Variants in ACAD11 observed in about 807,000 individuals in gnomAD.
ACAD11 encodes the protein acyl-CoA dehydrogenase family member 11, also known as acyl-Coenzyme A dehydrogenase family, member 11.
A neutral mutation model predicts 102.2 loss-of-function variants in ACAD11; 83 were observed. That is an observed-to-expected ratio of 0.81 (90% CI 0.68 to 0.97). ACAD11 has a LOEUF of 0.97. ACAD11 is among the 50% of genes least tolerant of loss of function. The pLI, the probability that ACAD11 is intolerant of heterozygous loss-of-function variation, is 0.00. For synonymous variants in ACAD11, 324 were observed against 319.8 expected, an observed-to-expected ratio of 1.01 and a Z score of -0.14; for missense variants, 901 against 951.7, an observed-to-expected ratio of 0.95 and a Z score of 0.70.
At chr3:132,644,743 T>C (rs1330018614) in intron 2 of ACAD11, 54 bp downstream of exon 2, 19 of 1,130,658 alleles carry the variant, frequency 1.7e-5, no homozygotes, top group Non-Finnish European at 2.3e-5. Context: ...TTTGTGTGTA[T>C]TAAAAGCATT....
chr3:132,586,185 T>C (rs1449703230), intron 13 of ACAD11, among the ~76,000 whole-genome samples: 1 of 152,304 alleles, frequency 6.6e-6, no homozygotes, highest in East Asian at 1.9e-4. Context: ...GTTCATGTCC[T>C]TTGTAGGGAC....
At chr3:132,606,991 G>A (rs1420643230) in intron 11 of ACAD11, among the ~76,000 whole-genome samples, 2 of 152,138 alleles carry the variant, frequency 1.3e-5, no homozygotes, top group African/African-American at 2.4e-5. Context: ...GGGCAAACAG[G>A]GTTGGGAGTG....
intron 8 of ACAD11, among the ~76,000 whole-genome samples, chr3:132,627,324 C>T (rs949687002): frequency 2.6e-5 from 4 of 152,162 alleles, no homozygotes; most frequent in Non-Finnish European, 5.9e-5. Flanking sequence ...CCTCCTCATC[C>T]TTTAATGTGT....
intron 3 of ACAD11, 85 bp from the exon 4 acceptor site, chr3:132,642,218 C>A: frequency 7.7e-7 from 1 of 1,301,432 alleles, no homozygotes; most frequent in Non-Finnish European, 1.1e-6. Flanking sequence ...ATTTGTGAAA[C>A]ATATTTAATA....
intron 12 of ACAD11, 33 bp downstream of exon 12, chr3:132,605,065 C>G: frequency 6.6e-7 from 1 of 1,515,898 alleles, no homozygotes; most frequent in Non-Finnish European, 9.1e-7. Context: ...GGACGACTGA[C>G]TACACAAGGA....
intron 5 of ACAD11, among the ~76,000 whole-genome samples, chr3:132,638,184 G>A (rs528967962): frequency 9.9e-5 from 15 of 152,048 alleles, no homozygotes; most frequent in African/African-American, 3.4e-4. Flanking sequence ...CACATTGACT[G>A]TTTCATTTTA....
intron 5 of ACAD11, among the ~76,000 whole-genome samples, chr3:132,635,892 A>G (rs1347471455): frequency 1.3e-5 from 2 of 152,084 alleles, no homozygotes; most frequent in East Asian, 3.9e-4. Context: ...ATAAATTACT[A>G]TACTAGCTAG....
intron 1 of ACAD11, chr3:132,654,327 G>A (rs1428168237): frequency 6.6e-6 from 1 of 152,160 alleles, no homozygotes; most frequent in Non-Finnish European, 1.5e-5. Flanking sequence ...ATTATGCACT[G>A]ATATATAATT....
rs773170087 is a variant in ACAD11, at chr3:132,626,651, G to C, written c.1197+40C>G. 3 of 1,607,734 alleles carry C rather than the reference G, an allele frequency of 1.9e-6. No individual in the cohort carries two copies. In the East Asian group the frequency reaches 6.7e-5, roughly 36 times the overall value. Reference sequence around the variant, plus strand: ...GAAATAACAAAAGTATTCATTGATAGTCCTTTAGCAGAAATACATTCTGCT... The same window carrying C: ...GAAATAACAAAAGTATTCATTGATACTCCTTTAGCAGAAATACATTCTGCT... On this transcript the variant is annotated intron_variant, in intron 9 of 19. Transcript: ENST00000264990.
In ACAD11 at chr3:132,619,490, G is replaced by C. The variant is rs148899232; in HGVS notation, c.1253C>G (p.Pro418Arg). 1,271 of 1,592,034 alleles carry C rather than the reference G, an allele frequency of 8.0e-4. 12 individuals carry two copies. The Middle Eastern group carries it at 0.011, about 13-fold the overall frequency. Residue 418 changes from proline to arginine, a missense_variant, in exon 10 of 20, where the codon CCT becomes CGT. Coordinates refer to ENST00000264990, the MANE Select transcript of ACAD11 (RefSeq NM_032169.5). The part of the protein sequence containing the change: ...NENSVDKWGK[P>R]LVIDKLKEMA... The stretch of plus-strand genomic sequence containing the variant: ...TACCTTGAGTTTATCAATCACTAAA[G>C]GTTTTCCCCACTTGTCCACTGAATT...
At chr3:132,576,585 A>C (rs1937527531) in intron 16 of ACAD11, among the ~76,000 whole-genome samples, 1 of 152,218 alleles carries the variant, frequency 6.6e-6, no homozygotes. Context: ...TGAATTATAT[A>C]ATTTTCATAT....
chr3:132,602,752 C>T (rs1938668524), intron 13 of ACAD11, among the ~76,000 whole-genome samples: 1 of 152,124 alleles, frequency 6.6e-6, no homozygotes, highest in Non-Finnish European at 1.5e-5. Flanking sequence ...CTTTTTCTTT[C>T]AACCACTATT....
chr3:132,644,637 C>CA (rs1325003454), intron 2 of ACAD11, among the ~76,000 whole-genome samples, 160 bp downstream of exon 2: 3 of 151,074 alleles, frequency 2.0e-5, no homozygotes, highest in African/African-American at 7.3e-5. Flanking sequence ...TTTTTTAAAA[C>CA]AAAAAAAGAT....
chr3:132,628,966 A>G (rs1169121784), intron 7 of ACAD11, among the ~76,000 whole-genome samples: 1 of 152,156 alleles, frequency 6.6e-6, no homozygotes, highest in Non-Finnish European at 1.5e-5. Context: ...CTTTCAACAT[A>G]ATAAACTCCT....
chr3:132,584,817 A>G (rs1241533085), intron 13 of ACAD11, among the ~76,000 whole-genome samples: 1 of 152,216 alleles, frequency 6.6e-6, no homozygotes, highest in East Asian at 1.9e-4. Context: ...AAGGAGAACT[A>G]CAAACCACTG....
intron 13 of ACAD11, among the ~76,000 whole-genome samples, chr3:132,597,616 AT>A (rs973457796): frequency 1.3e-4 from 19 of 149,450 alleles, no homozygotes; most frequent in South Asian, 2.1e-4. Context: ...ACAAGTACTG[AT>A]TTTTTTTTTA....
chr3:132,641,986 A>AT lies in ACAD11; in HGVS notation c.522_523insA (p.Tyr175IlefsTer38), dbSNP rs1940543847. ...GGATGCATTACCTGTCTTTTGCAGT[A>AT]CCCAGCACCTATACCATATCCTTCC... On this transcript the variant is annotated frameshift_variant, in exon 4 of 20. Transcript: ENST00000264990. LOFTEE classifies it high-confidence loss of function. 6.2e-7 allele frequency: 1 copy of AT among 1,612,806 alleles called. No individual in the cohort carries two copies. The highest frequency in any genetic ancestry group is 1.3e-5 in the African/African-American group (1 of 74,884).
At position 132,641,967 on chromosome 3, in the gene ACAD11, A is replaced by G; in HGVS notation, c.537+5T>C. 1 of 1,595,754 alleles carries G rather than the reference A, an allele frequency of 6.3e-7. No homozygotes were observed. The highest frequency in any genetic ancestry group is 8.6e-7 in the Non-Finnish European group (1 of 1,168,826). On this transcript the variant is annotated splice_donor_5th_base_variant and intron_variant, in intron 4 of 19. Coordinates refer to ENST00000264990, the MANE Select transcript of ACAD11 (RefSeq NM_032169.5). ...AAAAAATAGCTATTAATGTGGATGC[A>G]TTACCTGTCTTTTGCAGTACCCAGC... is the stretch of plus-strand genomic sequence containing the variant.
chr3:132,625,420 T>C (rs1939773552), intron 9 of ACAD11, among the ~76,000 whole-genome samples: 1 of 152,176 alleles, frequency 6.6e-6, no homozygotes, highest in African/African-American at 2.4e-5. Flanking sequence ...GAGGACAATG[T>C]TGAATTCACA....
Sources: allele counts gnomAD v4.1 joint callset (sites outside exome capture counted in the v4.1 genomes callset), GRCh38; gene constraint gnomAD v4.1.1; transcripts MANE v1.5; gene names NCBI Gene and HGNC (gene_info 2026-07-23, HGNC 2026-07-21).